Variants in MYO3A observed in about 807,000 individuals in gnomAD.
The protein encoded by MYO3A is myosin IIIA.
Under a neutral mutation model 192.7 loss-of-function variants are expected in MYO3A, and 180 were observed. The observed-to-expected ratio is 0.93, with a 90% confidence interval of 0.83 to 1.06. The LOEUF is 1.06. MYO3A is among the 50% of genes least tolerant of loss of function. The pLI is 0.00. For missense variants in MYO3A, 1,896 were observed against 1,905.0 expected (o/e 1.00, Z 0.09); for synonymous variants, 628 against 645.3 (o/e 0.97, Z 0.41).
In MYO3A at chr10:26,193,202, T is replaced by C. The variant is rs754301025; in HGVS notation, c.4439-3T>C. ...TACTTGTTTATGATCACCTTTCTTA[T>C]AGGTGTCTGTAAAGGAGAGGAGCCA... On this transcript the variant is annotated splice_region_variant and splice_polypyrimidine_tract_variant and intron_variant, in intron 31 of 34. Transcript: ENST00000642920. 5 of 1,598,656 alleles carry C rather than the reference T, an allele frequency of 3.1e-6. No homozygotes were observed. The highest frequency in any genetic ancestry group is 4.3e-6 in the Non-Finnish European group (5 of 1,165,982).
At chr10:26,100,102 T>C (rs191147137) in intron 17 of MYO3A, among the ~76,000 whole-genome samples, 2 of 152,340 alleles carry the variant, frequency 1.3e-5, no homozygotes, top group East Asian at 3.9e-4. Flanking sequence ...CGTTGGTCTA[T>C]TGAGGGATTC....
chr10:25,994,835 G>A (rs535430322), intron 4 of MYO3A, among the ~76,000 whole-genome samples: 1 of 152,212 alleles, frequency 6.6e-6, no homozygotes, highest in East Asian at 1.9e-4. Flanking sequence ...TTGAATATTG[G>A]CCCCCACTCT....
At chr10:26,049,086 A>T (rs1272853781) in intron 10 of MYO3A, among the ~76,000 whole-genome samples, 4 of 152,232 alleles carry the variant, frequency 2.6e-5, no homozygotes, top group Non-Finnish European at 5.9e-5. Context: ...CTGAACATTC[A>T]AGAAAATAGT....
intron 14 of MYO3A, among the ~76,000 whole-genome samples, chr10:26,076,954 C>T (rs1254795039): frequency 3.9e-5 from 6 of 151,924 alleles, no homozygotes. Flanking sequence ...GTTCCTTTTG[C>T]TTAGTCTTGC....
At chr10:25,962,145 A>G (rs1837973774) in intron 4 of MYO3A, among the ~76,000 whole-genome samples, 1 of 152,192 alleles carries the variant, frequency 6.6e-6, no homozygotes, top group African/African-American at 2.4e-5. Context: ...AAATCCTAAG[A>G]ATAATGATGT....
At chr10:26,187,730 G>A (rs1337900023) in intron 31 of MYO3A, among the ~76,000 whole-genome samples, 1 of 146,076 alleles carries the variant, frequency 6.8e-6, no homozygotes, top group Non-Finnish European at 1.5e-5. Context: ...CTGTGAGTGA[G>A]AACATGCAGT....
Position 26,096,425 on chromosome 10 carries a change from T to G in MYO3A, c.1607T>G (p.Leu536Trp). ...FHIFYYIYAGLAEKKKLAHYK... is the reference protein window; with the variant it reads ...FHIFYYIYAGWAEKKKLAHYK... ...ATTTTTTACTACATTTATGCTGGTTTGGCTGAAAAGAAGAAACTAGCCCAT... is the reference window on the plus strand; with the variant it reads ...ATTTTTTACTACATTTATGCTGGTTGGGCTGAAAAGAAGAAACTAGCCCAT... The change falls in exon 16 of 35, where the codon TTG becomes TGG. Residue 536 changes from leucine (L) to tryptophan (W), a missense_variant. Transcript: ENST00000642920. The G allele has an allele frequency of 6.2e-7, 1 of 1,613,732 alleles. No homozygotes were observed. The highest frequency in any genetic ancestry group is 8.5e-7 in the Non-Finnish European group (1 of 1,179,860).
At chr10:26,047,287 A>G (rs1843683734) in intron 10 of MYO3A, among the ~76,000 whole-genome samples, 1 of 151,854 alleles carries the variant, frequency 6.6e-6, no homozygotes, top group Non-Finnish European at 1.5e-5. Context: ...CTGAGTATAC[A>G]TCTTTTGGCC....
chr10:26,046,393 G>A (rs999326066), intron 10 of MYO3A, among the ~76,000 whole-genome samples: 10 of 152,294 alleles, frequency 6.6e-5, no homozygotes, highest in Middle Eastern at 3.4e-3. Flanking sequence ...TGTGTTAATT[G>A]TGGTGTGAGA....
chr10:25,994,363 T>C (rs1840277431), intron 4 of MYO3A, among the ~76,000 whole-genome samples: 1 of 152,244 alleles, frequency 6.6e-6, no homozygotes, highest in African/African-American at 2.4e-5. Flanking sequence ...TTCCATTTGC[T>C]TGGTAGATCT....
At chr10:26,132,467 A>G (rs780785485) in intron 20 of MYO3A, among the ~76,000 whole-genome samples, 3 of 152,182 alleles carry the variant, frequency 2.0e-5, no homozygotes, top group Non-Finnish European at 4.4e-5. Flanking sequence ...GGACTGGTCA[A>G]TCCTGGGCAT....
chr10:26,203,152 C>T (rs1239330071), intron 34 of MYO3A, 45 bp downstream of exon 34: 6 of 1,580,464 alleles, frequency 3.8e-6, no homozygotes, highest in Non-Finnish European at 4.3e-6. Context: ...GTTTTATACT[C>T]ACAATTTCAT....
intron 4 of MYO3A, among the ~76,000 whole-genome samples, chr10:25,993,984 A>G (rs1055736841): frequency 2.0e-5 from 3 of 152,192 alleles, no homozygotes; most frequent in East Asian, 1.9e-4. Context: ...AAGAACGTAT[A>G]TTCTGTTGAT....
intron 2 of MYO3A, among the ~76,000 whole-genome samples, chr10:25,947,855 A>C (rs527555378): frequency 6.6e-6 from 1 of 152,336 alleles, no homozygotes; most frequent in South Asian, 2.1e-4. Context: ...TTTGAAGTAC[A>C]TCAGTGAAAA....
chr10:26,133,827 G>A (rs1839693755), intron 20 of MYO3A, among the ~76,000 whole-genome samples: 1 of 152,192 alleles, frequency 6.6e-6, no homozygotes, highest in Admixed American at 6.5e-5. Flanking sequence ...AGATCCATAT[G>A]ATAGTACTGT....
At chr10:26,041,539 A>G (rs1250526526) in intron 10 of MYO3A, among the ~76,000 whole-genome samples, 1 of 148,596 alleles carries the variant, frequency 6.7e-6, no homozygotes, top group Non-Finnish European at 1.5e-5. Context: ...AGTGAAGGTA[A>G]TTTTCTCTGG....
At chr10:25,945,079 G>C (rs1265960406) in intron 2 of MYO3A, among the ~76,000 whole-genome samples, 2 of 151,868 alleles carry the variant, frequency 1.3e-5, no homozygotes, top group Non-Finnish European at 2.9e-5. Context: ...GTTTTGCTAT[G>C]TTGTATTTTT....
chr10:26,152,686 G>A (rs868013760), intron 23 of MYO3A, among the ~76,000 whole-genome samples: 7 of 152,152 alleles, frequency 4.6e-5, no homozygotes, highest in Admixed American at 1.3e-4. Context: ...AAATTTAAGC[G>A]AAATTCCTGA....
At chr10:25,939,448 A>C (rs945184158) in intron 2 of MYO3A, among the ~76,000 whole-genome samples, 2 of 151,898 alleles carry the variant, frequency 1.3e-5, no homozygotes, top group Non-Finnish European at 2.9e-5. Flanking sequence ...TTGAGGCTAT[A>C]TATTTTCCTC....
Sources: gnomAD v4.1 joint callset for allele counts (sites outside exome capture counted in the v4.1 genomes callset) on GRCh38, gnomAD v4.1.1 for gene constraint, MANE v1.5 for transcripts, NCBI Gene and HGNC (gene_info 2026-07-23, HGNC 2026-07-21) for gene names.